Variants in TBC1D2B observed in about 807,000 individuals in gnomAD.
The protein encoded by TBC1D2B is TBC1 domain family member 2B, also known as TBC1 domain family, member 2B.
A neutral mutation model predicts 100.8 loss-of-function variants in TBC1D2B; 64 were observed. The ratio of observed to expected loss-of-function variants is 0.64; its 90% confidence interval spans 0.52 to 0.78. TBC1D2B has a LOEUF of 0.78. Among genes scored for constraint, TBC1D2B ranks in the 30% least tolerant of loss-of-function variants. TBC1D2B has a pLI of 0.00. For missense variants in TBC1D2B, 1,052 were observed against 1,218.4 expected, an observed-to-expected ratio of 0.86 and a Z score of 2.03; for synonymous variants, 480 against 479.7, an observed-to-expected ratio of 1.00 and a Z score of -0.01.
In TBC1D2B at chr15:78,030,148, G is replaced by T; in HGVS notation, c.706C>A (p.Pro236Thr). 2 of 1,609,430 alleles carry T rather than the reference G, an allele frequency of 1.2e-6. No homozygotes were observed. Residue 236 changes from proline to threonine, a missense_variant, in exon 4 of 13, where the codon CCT becomes ACT. Around this residue, in one of 4 missense-constraint regions of TBC1D2B, gnomAD observed 627 missense variants for 646.1 expected, o/e 0.97. Transcript: ENST00000300584. ...ELKNSMSSFR[P>T]GRGHNDSRRT... Reference sequence around the variant, plus strand: ...CGACTATCATTATGTCCTCTCCCAGGACGGAAAGAAGACATCGAATTCCTG... The same window carrying T: ...CGACTATCATTATGTCCTCTCCCAGTACGGAAAGAAGACATCGAATTCCTG...
At chr15:78,044,296 C>T (rs2073150589) in intron 3 of TBC1D2B, among the ~76,000 whole-genome samples, 1 of 152,056 alleles carries the variant, frequency 6.6e-6, no homozygotes, top group South Asian at 2.1e-4. Flanking sequence ...CAATAAAGTT[C>T]TTCTTTAAAA....
At chr15:78,045,091 G>A (rs2073169051) in intron 2 of TBC1D2B, 23 bp from the exon 3 acceptor site, 7 of 1,585,192 alleles carry the variant, frequency 4.4e-6, no homozygotes, top group African/African-American at 1.4e-5. Context: ...GTAAACAAAT[G>A]TCAGTTACTC....
chr15:78,077,508 G>C lies in TBC1D2B; in HGVS notation c.145C>G (p.Pro49Ala). The change falls in exon 1 of 13, where the codon CCC becomes GCC. Residue 49 changes from proline to alanine, a missense_variant. Pro to Ala is a conservative substitution (Grantham distance 27). Coordinates refer to ENST00000300584, the MANE Select transcript of TBC1D2B (RefSeq NM_144572.2). ...GYLQKLSGKG[P>A]LRGYRSRWFV... Reference sequence around the variant, plus strand: ...CAGCGGCTGCGGTAGCCACGCAGGGGGCCCTTGCCCGACAGCTTCTGCAGA... The same window carrying C: ...CAGCGGCTGCGGTAGCCACGCAGGGCGCCCTTGCCCGACAGCTTCTGCAGA... 6.5e-7 allele frequency: 1 copy of C among 1,530,504 alleles called. No homozygotes were observed. Among genetic ancestry groups the C allele is most frequent in the Non-Finnish European group, 8.8e-7 (1 of 1,138,944 alleles). 94.8% of individuals were successfully genotyped at this position (1,530,504 alleles called of 1,614,324 possible).
At chr15:78,071,187 C>T (rs1368855651) in intron 1 of TBC1D2B, among the ~76,000 whole-genome samples, 1 of 152,076 alleles carries the variant, frequency 6.6e-6, no homozygotes, top group African/African-American at 2.4e-5. Context: ...AGGCTGGTCT[C>T]GAACTATTGG....
intron 12 of TBC1D2B, among the ~76,000 whole-genome samples, chr15:77,999,584 C>T (rs2071856886): frequency 6.6e-6 from 1 of 152,220 alleles, no homozygotes; most frequent in South Asian, 2.1e-4. Flanking sequence ...CTGCCAGCCC[C>T]AGCAGGCGGG....
chr15:78,053,926 CATT>C, intron 2 of TBC1D2B, 105 bp downstream of exon 2: 1 of 1,231,270 alleles, frequency 8.1e-7, no homozygotes, highest in South Asian at 1.5e-5. Context: ...AAGGTAGCAT[CATT>C]ATTATTTTCT....
At chr15:78,051,355 GA>G (rs1464615520) in intron 2 of TBC1D2B, among the ~76,000 whole-genome samples, 3 of 152,124 alleles carry the variant, frequency 2.0e-5, no homozygotes, top group African/African-American at 7.2e-5. Flanking sequence ...TAACAACTAT[GA>G]AGAGGGGTGA....
chr15:78,017,942 A>G lies in TBC1D2B; in HGVS notation c.1486T>C (p.Tyr496His), dbSNP rs772513595. 4 of 1,592,494 alleles carry G rather than the reference A, an allele frequency of 2.5e-6. No homozygotes were observed. Among genetic ancestry groups the G allele is most frequent in the Non-Finnish European group, 3.4e-6 (4 of 1,167,182 alleles). Residue 496 changes from tyrosine to histidine, a missense_variant, in exon 7 of 13, where the codon TAC becomes CAC. By Grantham distance (83) the Tyr-to-His change is moderately conservative (BLOSUM62 2). Around this residue, in one of 4 missense-constraint regions of TBC1D2B, gnomAD observed 627 missense variants for 646.1 expected, o/e 0.97. Coordinates refer to ENST00000300584, the MANE Select transcript of TBC1D2B (RefSeq NM_144572.2). ...LDRLKDNLQGYKTQNKFLNKE... is the reference protein window; with the variant it reads ...LDRLKDNLQGHKTQNKFLNKE... Reference sequence around the variant, plus strand: ...TTTAGAAATTTGTTTTGGGTTTTGTACCCCTGTAGATTATCCTGTTAGAAA... The same window carrying G: ...TTTAGAAATTTGTTTTGGGTTTTGTGCCCCTGTAGATTATCCTGTTAGAAA...
intron 3 of TBC1D2B, 142 bp from the exon 4 acceptor site, chr15:78,030,312 TTTTTTTTGAA>T: frequency 2.8e-6 from 2 of 708,064 alleles, no homozygotes; most frequent in Non-Finnish European, 4.3e-6. Flanking sequence ...GATTCCCTTT[TTTTTTTTGAA>T]ATGGAGTCCC....
Position 78,077,100 on chromosome 15 carries a change from G to A in TBC1D2B, c.360+193C>T, listed in dbSNP as rs576702609. 2.2e-4 allele frequency among the ~76,000 whole-genome samples: 33 copies of A among 152,368 alleles called. 1 individual carries two copies. The South Asian group carries it at 2.3e-3, about 11-fold the overall frequency. The stretch of plus-strand genomic sequence containing the variant: ...GGAGACGGGGCTTGGTAGCCCCAGC[G>A]AGACTGGCCTAAGCCCAGATAGTGG... On this transcript the variant is annotated intron_variant, in intron 1 of 12. Transcript: ENST00000300584.
rs138290160 is a variant in TBC1D2B, at chr15:78,073,814, A to G, written c.360+3479T>C. Among the ~76,000 whole-genome samples, 1,415 of 151,966 alleles carry G rather than the reference A, an allele frequency of 9.3e-3. 16 individuals carry two copies. Among genetic ancestry groups the G allele is most frequent in the African/African-American group, 0.032 (1,334 of 41,452 alleles). On this transcript the variant is annotated intron_variant, in intron 1 of 12. Transcript: ENST00000300584. Reference sequence around the variant, plus strand: ...GTGAAACCCCGTCTCTACTAAAAATACAAAAATTAGCTGGGAGCGGTGGCA... The same window carrying G: ...GTGAAACCCCGTCTCTACTAAAAATGCAAAAATTAGCTGGGAGCGGTGGCA...
At chr15:78,006,959 T>A (rs939132599) in intron 10 of TBC1D2B, among the ~76,000 whole-genome samples, 4 of 152,184 alleles carry the variant, frequency 2.6e-5, no homozygotes, top group African/African-American at 9.7e-5. Flanking sequence ...ACAAGGATGA[T>A]CCAATCAGGT....
chr15:78,037,682 G>T (rs2072980120), intron 3 of TBC1D2B, among the ~76,000 whole-genome samples: 1 of 152,164 alleles, frequency 6.6e-6, no homozygotes, highest in Non-Finnish European at 1.5e-5. Flanking sequence ...TGCAGAACGG[G>T]CTTCTCAAAT....
At chr15:78,045,651 G>A (rs1161287832) in intron 2 of TBC1D2B, among the ~76,000 whole-genome samples, 3 of 152,194 alleles carry the variant, frequency 2.0e-5, no homozygotes, top group Non-Finnish European at 4.4e-5. Context: ...TCTTTAAAAT[G>A]TAAACTTTTG....
chr15:78,073,570 T>C (rs888723022), intron 1 of TBC1D2B, among the ~76,000 whole-genome samples: 2 of 152,306 alleles, frequency 1.3e-5, no homozygotes, highest in African/African-American at 4.8e-5. Context: ...GTTCTTGCAT[T>C]TGAAAGACGA....
At chr15:78,032,749 G>A (rs1454285114) in intron 3 of TBC1D2B, among the ~76,000 whole-genome samples, 1 of 151,990 alleles carries the variant, frequency 6.6e-6, no homozygotes, top group Non-Finnish European at 1.5e-5. Context: ...GGGAACAAGA[G>A]CAGAGTAGGT....
chr15:78,030,415 C>T (rs910024265), intron 3 of TBC1D2B, among the ~76,000 whole-genome samples: 2 of 151,998 alleles, frequency 1.3e-5, no homozygotes, highest in Admixed American at 6.5e-5. Flanking sequence ...AATTCGCCTG[C>T]CTCAGCCTCC....
Position 77,999,091 on chromosome 15 carries a change from G to A in TBC1D2B, c.2697-736C>T. On this transcript the variant is annotated intron_variant, in intron 12 of 12. Transcript: ENST00000300584. ...TAATGGGTCAGCCACACTGGTCTCT[G>A]GGGATCACAAAATAGGCCAGTTCCT... 6.1e-6 allele frequency: 2 copies of A among 329,846 alleles called. 1 individual carries two copies. The highest frequency in any genetic ancestry group is 4.6e-5 in the South Asian group (2 of 43,564). 20.4% of individuals were successfully genotyped at this position (329,846 alleles called of 1,614,324 possible). A position where few individuals can be genotyped will look rare whatever the true frequency, so the allele number is the denominator to read the frequency against.
At chr15:78,073,377 T>TA (rs1159538730) in intron 1 of TBC1D2B, among the ~76,000 whole-genome samples, 2 of 152,238 alleles carry the variant, frequency 1.3e-5, no homozygotes, top group Non-Finnish European at 2.9e-5. Context: ...GATAATAGAA[T>TA]AAGAAAAGTG....
Sources: gnomAD v4.1 joint callset for allele counts (sites outside exome capture counted in the v4.1 genomes callset) on GRCh38, gnomAD v4.1.1 for gene constraint, gnomAD v4.1.1 regional missense constraint, MANE v1.5 for transcripts, NCBI Gene and HGNC (gene_info 2026-07-23, HGNC 2026-07-21) for gene names.